Variants in CYSTM1 observed in about 807,000 individuals in gnomAD.
CYSTM1 encodes the protein cysteine-rich transmembrane module-containing protein 1.
In CYSTM1, 4 loss-of-function variants were observed where a neutral mutation model predicts 13.1. That is an observed-to-expected ratio of 0.31 (90% CI 0.15 to 0.70). CYSTM1 has a LOEUF of 0.70. CYSTM1 is among the 30% of genes least tolerant of loss of function. The pLI, the probability that CYSTM1 is intolerant of heterozygous loss-of-function variation, is 0.72. For synonymous variants in CYSTM1, 36 were observed against 42.7 expected (o/e 0.84, Z 0.62); for missense variants, 96 against 121.6 (o/e 0.79, Z 0.99).
Position 140,219,303 on chromosome 5 carries a change from T to TG in CYSTM1, c.188-24001dup, listed in dbSNP as rs1581068769. 6.6e-6 allele frequency among the ~76,000 whole-genome samples: 1 copy of TG among 152,134 alleles called. No homozygotes were observed. Among genetic ancestry groups the TG allele is most frequent in the Admixed American group, 6.5e-5 (1 of 15,274 alleles). On this transcript the variant is annotated intron_variant, in intron 2 of 2. Transcript: ENST00000261811. This position sits in a 1 kb window ranked among gnomAD's most constrained non-coding sequence, Gnocchi z 4.1. The stretch of plus-strand genomic sequence containing the variant: ...AACAGTGTTACGAAACAGCAGGAAT[T>TG]GCGGTGGATAATTTGGCATAGCCCA...
intron 1 of CYSTM1, among the ~76,000 whole-genome samples, chr5:140,180,766 A>G (rs990706620): frequency 1.3e-5 from 2 of 152,222 alleles, no homozygotes; most frequent in Admixed American, 6.5e-5. Flanking sequence ...AGCTTGTGGT[A>G]TGACTTTGCC....
intron 2 of CYSTM1, among the ~76,000 whole-genome samples, chr5:140,215,616 A>C (rs756898546): frequency 6.6e-6 from 1 of 152,024 alleles, no homozygotes; most frequent in Non-Finnish European, 1.5e-5. Flanking sequence ...TTTACTTTGC[A>C]TTATTAATGC....
At chr5:140,188,557 C>T (rs1764050513) in intron 1 of CYSTM1, among the ~76,000 whole-genome samples, 1 of 151,928 alleles carries the variant, frequency 6.6e-6, no homozygotes, top group Admixed American at 6.5e-5. Flanking sequence ...TTTGGGAGGC[C>T]GAGGCGGGCG....
chr5:140,209,353 G>A (rs2126663086), intron 2 of CYSTM1, among the ~76,000 whole-genome samples: 1 of 148,882 alleles, frequency 6.7e-6, no homozygotes, highest in East Asian at 2.0e-4. Flanking sequence ...TGCAACCTCC[G>A]CCTCCTGGGT....
intron 1 of CYSTM1, among the ~76,000 whole-genome samples, chr5:140,180,221 T>C (rs1241606590): frequency 1.3e-5 from 2 of 152,174 alleles, no homozygotes; most frequent in African/African-American, 4.8e-5. Context: ...CCCTCACCTG[T>C]GTCAGGCCAC....
chr5:140,206,423 G>C (rs1022491267), intron 2 of CYSTM1, among the ~76,000 whole-genome samples: 9 of 152,124 alleles, frequency 5.9e-5, no homozygotes, highest in Non-Finnish European at 8.8e-5. Context: ...AATATTTCTT[G>C]AATAGTTGAA....
intron 2 of CYSTM1, chr5:140,201,514 CTCT>C (rs1351532696): frequency 6.6e-6 from 1 of 152,218 alleles, no homozygotes; most frequent in Non-Finnish European, 1.5e-5. Flanking sequence ...AAGAAAATAT[CTCT>C]TCTTCCTTGA....
At chr5:140,205,758 T>G (rs1201820067) in intron 2 of CYSTM1, among the ~76,000 whole-genome samples, 1 of 152,116 alleles carries the variant, frequency 6.6e-6, no homozygotes, top group Non-Finnish European at 1.5e-5. Context: ...AATTTTTGCT[T>G]AGGGATGGAT....
At chr5:140,242,643 G>A (rs1052316461) in intron 2 of CYSTM1, among the ~76,000 whole-genome samples, 4 of 152,156 alleles carry the variant, frequency 2.6e-5, no homozygotes, top group African/African-American at 7.2e-5. Context: ...CAGATCTCTC[G>A]ATAGAGCACT....
At chr5:140,179,217 G>T (rs542391472) in intron 1 of CYSTM1, among the ~76,000 whole-genome samples, 1 of 151,244 alleles carries the variant, frequency 6.6e-6, no homozygotes, top group Non-Finnish European at 1.5e-5. Context: ...CCATGATCAC[G>T]CCACCGCACT....
intron 2 of CYSTM1, among the ~76,000 whole-genome samples, chr5:140,205,404 G>T (rs963360644): frequency 6.6e-6 from 1 of 152,204 alleles, no homozygotes; most frequent in Non-Finnish European, 1.5e-5. Flanking sequence ...TGCCTGGCTT[G>T]TTTGAGCCTT....
intron 2 of CYSTM1, 95 bp from the exon 3 acceptor site, chr5:140,243,210 C>T: frequency 1.1e-6 from 1 of 950,860 alleles, no homozygotes; most frequent in South Asian, 1.4e-5. Context: ...TAGTTTTCCC[C>T]TGGTGTAGCC....
At chr5:140,208,066 A>G (rs751681920) in intron 2 of CYSTM1, among the ~76,000 whole-genome samples, 2 of 152,242 alleles carry the variant, frequency 1.3e-5, no homozygotes, top group Admixed American at 1.3e-4. Context: ...GAGGTACTCT[A>G]TGATCCAGCA....
At chr5:140,235,532 A>C (rs1764670863) in intron 2 of CYSTM1, among the ~76,000 whole-genome samples, 1 of 151,350 alleles carries the variant, frequency 6.6e-6, no homozygotes, top group African/African-American at 2.4e-5. Context: ...CAGCCTCCTG[A>C]GTAGCTGGGA....
At chr5:140,217,366 G>T (rs1217843085) in intron 2 of CYSTM1, among the ~76,000 whole-genome samples, 1 of 152,108 alleles carries the variant, frequency 6.6e-6, no homozygotes, top group Non-Finnish European at 1.5e-5. Context: ...GCAGCTAGTG[G>T]GTAACCATGA....
chr5:140,187,809 G>T (rs1259572149), intron 1 of CYSTM1, among the ~76,000 whole-genome samples: 7 of 152,058 alleles, frequency 4.6e-5, no homozygotes, highest in East Asian at 3.9e-4. Context: ...AAAGAATTTG[G>T]TTTTTTACCC....
intron 2 of CYSTM1, among the ~76,000 whole-genome samples, chr5:140,240,250 A>G (rs149049209): frequency 5.9e-5 from 9 of 152,078 alleles, no homozygotes; most frequent in Non-Finnish European, 1.2e-4. Context: ...TAGCATTCCA[A>G]TTACAGAAAT....
Position 140,175,616 on chromosome 5 carries a change from C to G in CYSTM1, c.-21+331C>G, listed in dbSNP as rs528491255. Among the ~76,000 whole-genome samples the G allele has an allele frequency of 2.5e-4, 38 of 152,364 alleles. No homozygotes were observed. The highest frequency in any genetic ancestry group is 9.1e-4 in the African/African-American group (38 of 41,606). On this transcript the variant is annotated intron_variant, in intron 1 of 2. Transcript: ENST00000261811. This position sits in a 1 kb window ranked among gnomAD's most constrained non-coding sequence, Gnocchi z 4.9. ...GGCGGGCTCGGAGCGGGGCTCGCCA[C>G]ACCCCGTCCCGGGGGACGTCCGCGG...
At chr5:140,231,652 A>G (rs551243235) in intron 2 of CYSTM1, among the ~76,000 whole-genome samples, 1 of 152,378 alleles carries the variant, frequency 6.6e-6, no homozygotes, top group South Asian at 2.1e-4. Context: ...GGCTTCCCCA[A>G]GGCAGTGAAG....
Sources: allele counts gnomAD v4.1 joint callset (sites outside exome capture counted in the v4.1 genomes callset), GRCh38; gene constraint gnomAD v4.1.1; non-coding constraint Gnocchi (gnomAD v3.1); transcripts MANE v1.5; gene names NCBI Gene and HGNC (gene_info 2026-07-23, HGNC 2026-07-21).